FOXD3: variants seen among roughly 807,000 people sequenced by gnomAD.
FOXD3 encodes forkhead box D3.
A neutral mutation model predicts 3.6 loss-of-function variants in FOXD3; 3 were observed. That is an observed-to-expected ratio of 0.84 (90% CI 0.38 to 2.18). The LOEUF is 2.18. Among genes scored for constraint, FOXD3 ranks in the 30% most tolerant of loss-of-function variants. FOXD3 has a pLI of 0.06. For missense variants in FOXD3, 686 were observed against 731.6 expected (o/e 0.94, Z 0.72); for synonymous variants, 391 against 360.9 (o/e 1.08, Z -0.94).
Position 63,324,448 on chromosome 1 carries a change from G to T in FOXD3, c.1390G>T (p.Ala464Ser). 2 of 1,540,238 alleles carry T rather than the reference G, an allele frequency of 1.3e-6. No homozygotes were observed. Among genetic ancestry groups the T allele is most frequent in the African/African-American group, 1.4e-5 (1 of 73,014 alleles). ...GQFLQPAASA[A>S]AAAAAAAQAK... ...GTTTCTGCAGCCCGCAGCCTCGGCC[G>T]CCGCCGCTGCTGCGGCCGCCGCTCA... Residue 464 changes from alanine (A) to serine (S), a missense_variant, in exon 1 of 1, where the codon GCC becomes TCC. This residue lies in a region of FOXD3 where 370 missense variants were observed against 372.3 expected (regional missense o/e 0.99). Coordinates refer to ENST00000371116, the MANE Select transcript of FOXD3 (RefSeq NM_012183.3). This position sits in a 1 kb window ranked among gnomAD's most constrained non-coding sequence, Gnocchi z 4.1.
chr1:63,324,907 T>G lies in FOXD3; in HGVS notation c.*412T>G, dbSNP rs1647064595. ...AAAACAAATTCCGTAGATTTAGAGC[T>G]CTGAACTTTCATTTTTTTTGAAGGT... On this transcript the variant is annotated 3_prime_UTR_variant, in exon 1 of 1. Coordinates refer to ENST00000371116, the MANE Select transcript of FOXD3 (RefSeq NM_012183.3). The surrounding 1 kb of genome is among the most constrained non-coding windows in gnomAD (Gnocchi z 4.1). 1 of 182,074 alleles carries G rather than the reference T, an allele frequency of 5.5e-6. No individual in the cohort carries two copies. The highest frequency in any genetic ancestry group is 1.3e-5 in the Non-Finnish European group (1 of 78,336). 11.3% of individuals were successfully genotyped at this position (182,074 alleles called of 1,614,324 possible). A position where few individuals can be genotyped will look rare whatever the true frequency, so the allele number is the denominator to read the frequency against.
chr1:63,323,200 G>C lies in FOXD3; in HGVS notation c.142G>C (p.Ala48Pro). Residue 48 changes from alanine (A) to proline (P), a missense_variant, in exon 1 of 1, where the codon GCG becomes CCG. Physicochemically the swap from Ala to Pro is conservative, Grantham distance 27. Around this residue, in one of 3 missense-constraint regions of FOXD3, gnomAD observed 232 missense variants for 214.0 expected, o/e 1.08. Coordinates refer to ENST00000371116, the MANE Select transcript of FOXD3 (RefSeq NM_012183.3). This position sits in a 1 kb window ranked among gnomAD's most constrained non-coding sequence, Gnocchi z 6.8. The stretch of plus-strand genomic sequence containing the variant: ...CAGCGACGCAGGTTGCGATAGCCCC[G>C]CGGGGCCGCCGGAGCTGCGCCTGGA... Reference protein sequence around the residue: ...KDSDAGCDSPAGPPELRLDEA... With the variant: ...KDSDAGCDSPPGPPELRLDEA... 3 of 1,543,528 alleles carry C rather than the reference G, an allele frequency of 1.9e-6. No homozygotes were observed. In the South Asian group the frequency reaches 3.6e-5, roughly 18 times the overall value.
In FOXD3 at chr1:63,323,855, G is replaced by A. The variant is rs753420481; in HGVS notation, c.797G>A (p.Gly266Asp). 4.6e-6 allele frequency: 7 copies of A among 1,526,870 alleles called. No homozygotes were observed. The highest frequency in any genetic ancestry group is 1.4e-5 in the African/African-American group (1 of 71,288). 94.6% of individuals were successfully genotyped at this position (1,526,870 alleles called of 1,614,324 possible). ...GCTTACAGCCTGGCGGCGGCGGCCG[G>A]CGCCGCGGGACCCTACGGCCGCCCC... is the stretch of plus-strand genomic sequence containing the variant. Reference protein sequence around the residue: ...FGAYSLAAAAGAAGPYGRPYG... With the variant: ...FGAYSLAAAADAAGPYGRPYG... Residue 266 changes from glycine to aspartate, a missense_variant, in exon 1 of 1, where the codon GGC becomes GAC. By Grantham distance (94) the Gly-to-Asp change is moderately conservative. Coordinates refer to ENST00000371116, the MANE Select transcript of FOXD3 (RefSeq NM_012183.3). This position sits in a 1 kb window ranked among gnomAD's most constrained non-coding sequence, Gnocchi z 6.8.
rs775959596 is a variant in FOXD3 at position 63,323,502 on chromosome 1, G to A, written c.444G>A (p.Ala148=). Residue 148 remains alanine, a synonymous_variant, in exon 1 of 1, where the codon GCG becomes GCA. Coordinates refer to ENST00000371116, the MANE Select transcript of FOXD3 (RefSeq NM_012183.3). This position sits in a 1 kb window ranked among gnomAD's most constrained non-coding sequence, Gnocchi z 6.8. ...TGAAGCCGCCTTACTCGTACATCGC[G>A]CTCATCACCATGGCCATCCTGCAGA... ...SLVKPPYSYI[A]LITMAILQSP... The A allele has an allele frequency of 4.3e-6, 7 of 1,613,894 alleles. No homozygotes were observed. In the South Asian group the frequency reaches 7.7e-5, roughly 18 times the overall value.
Position 63,324,060 on chromosome 1 carries a change from C to T in FOXD3, c.1002C>T (p.Gly334=), listed in dbSNP as rs1174820010. ...TGGGCCGCAAAGCGGCCGCCTTCGG[C>T]TCACAGCTCGGCCCGGGCCTGCAGC... is the stretch of plus-strand genomic sequence containing the variant. ...GELGRKAAAF[G]SQLGPGLQLQ... The change falls in exon 1 of 1, where the codon GGC becomes GGT. Residue 334 remains glycine (G), a synonymous_variant. Coordinates refer to ENST00000371116, the MANE Select transcript of FOXD3 (RefSeq NM_012183.3). The surrounding 1 kb of genome is among the most constrained non-coding windows in gnomAD (Gnocchi z 4.1). 6.1e-5 allele frequency: 86 copies of T among 1,401,398 alleles called. No individual in the cohort carries two copies. Among genetic ancestry groups the T allele is most frequent in the Non-Finnish European group, 7.5e-5 (81 of 1,086,524 alleles). 86.8% of individuals were successfully genotyped at this position (1,401,398 alleles called of 1,614,324 possible). A position where few individuals can be genotyped will look rare whatever the true frequency, so the allele number is the denominator to read the frequency against.
At position 63,323,985 on chromosome 1, in the gene FOXD3, G is replaced by C. The variant is rs1335124745; in HGVS notation, c.927G>C (p.Pro309=). Residue 309 remains proline (P), a synonymous_variant, in exon 1 of 1, where the codon CCG becomes CCC. Coordinates refer to ENST00000371116, the MANE Select transcript of FOXD3 (RefSeq NM_012183.3). This position sits in a 1 kb window ranked among gnomAD's most constrained non-coding sequence, Gnocchi z 6.8. ...TCCAGTACCCGTACGCGCTGCCGCCGGTGGCACCGGTGCTGCCTCCCGCTG... is the reference window on the plus strand; with the variant it reads ...TCCAGTACCCGTACGCGCTGCCGCCCGTGGCACCGGTGCTGCCTCCCGCTG... ...AALQYPYALP[P]VAPVLPPAVP... The C allele has an allele frequency of 7.8e-7, 1 of 1,278,388 alleles. No homozygotes were observed. Among genetic ancestry groups the C allele is most frequent in the South Asian group, 2.7e-5 (1 of 37,152 alleles). The allele number at this position is 1,278,388 out of a possible 1,614,324, so 79.2% of individuals were successfully genotyped here. A position where few individuals can be genotyped will look rare whatever the true frequency, so the allele number is the denominator to read the frequency against.
At position 63,324,120 on chromosome 1, in the gene FOXD3, TGCGGGCACAGCGGGCGCC is replaced by T. The variant is rs1647054307; in HGVS notation, c.1071_1088del (p.Ala358_Thr363del). On this transcript the variant is annotated inframe_deletion, in exon 1 of 1. Transcript: ENST00000371116. The surrounding 1 kb of genome is among the most constrained non-coding windows in gnomAD (Gnocchi z 4.1). ...ATAGCCTGGGCGCCGCCGCGGCCGC[TGCGGGCACAGCGGGCGCC>T]GCGGGCACCACCGCGTCGCTCATCA... is the stretch of plus-strand genomic sequence containing the variant. 4.9e-6 allele frequency: 7 copies of T among 1,430,800 alleles called. No homozygotes were observed. Among genetic ancestry groups the T allele is most frequent in the Non-Finnish European group, 6.3e-6 (7 of 1,105,524 alleles). The allele number at this position is 1,430,800 out of a possible 1,614,324, so 88.6% of individuals were successfully genotyped here. A position where few individuals can be genotyped will look rare whatever the true frequency, so the allele number is the denominator to read the frequency against.
In FOXD3 at chr1:63,324,439, G is replaced by T. The variant is rs754348214; in HGVS notation, c.1381G>T (p.Ala461Ser). Reference sequence around the variant, plus strand: ...CTCCGGACAGTTTCTGCAGCCCGCAGCCTCGGCCGCCGCCGCTGCTGCGGC... The same window carrying T: ...CTCCGGACAGTTTCTGCAGCCCGCATCCTCGGCCGCCGCCGCTGCTGCGGC... ...PLSGQFLQPA[A>S]SAAAAAAAAA... is the part of the protein sequence containing the mutation. Residue 461 changes from alanine to serine, a missense_variant, in exon 1 of 1, where the codon GCC (alanine) becomes TCC (serine). Coordinates refer to ENST00000371116, the MANE Select transcript of FOXD3 (RefSeq NM_012183.3). This position sits in a 1 kb window ranked among gnomAD's most constrained non-coding sequence, Gnocchi z 4.1. 3 of 1,546,126 alleles carry T rather than the reference G, an allele frequency of 1.9e-6. No homozygotes were observed. The highest frequency in any genetic ancestry group is 2.6e-6 in the Non-Finnish European group (3 of 1,154,014).
Position 63,323,476 on chromosome 1 carries a change from G to C in FOXD3, c.418G>C (p.Val140Leu). 1 of 1,613,678 alleles carries C rather than the reference G, an allele frequency of 6.2e-7. No homozygotes were observed. Among genetic ancestry groups the C allele is most frequent in the East Asian group, 2.2e-5 (1 of 44,822 alleles). Reference protein sequence around the residue: ...LAPSKPKNSLVKPPYSYIALI... With the variant: ...LAPSKPKNSLLKPPYSYIALI... ...CCCGAGCAAGCCCAAGAACAGCCTA[G>C]TGAAGCCGCCTTACTCGTACATCGC... The change falls in exon 1 of 1, where the codon GTG becomes CTG. Residue 140 changes from valine to leucine, a missense_variant. Val to Leu is a conservative substitution (Grantham distance 32). Transcript: ENST00000371116. The surrounding 1 kb of genome is among the most constrained non-coding windows in gnomAD (Gnocchi z 6.8).
In FOXD3 at chr1:63,324,384, C is replaced by A. The variant is rs781150018; in HGVS notation, c.1326C>A (p.Ala442=). ...HQPLSLSRTT[A]TIAPILSVPL... ...CGCTGTCGCTGAGCCGGACGACTGC[C>A]ACCATCGCGCCCATTCTTAGCGTGC... The change falls in exon 1 of 1, where the codon GCC becomes GCA. Residue 442 remains alanine, a synonymous_variant. Transcript: ENST00000371116. The surrounding 1 kb of genome is among the most constrained non-coding windows in gnomAD (Gnocchi z 4.1). 1.6e-5 allele frequency: 26 copies of A among 1,588,470 alleles called. No homozygotes were observed. The highest frequency in any genetic ancestry group is 2.2e-5 in the Non-Finnish European group (26 of 1,175,986).
rs964811583 is a variant in FOXD3, at chr1:63,324,138, C to G, written c.1080C>G (p.Ala360=). The G allele has an allele frequency of 2.5e-5, 36 of 1,433,216 alleles. No individual in the cohort carries two copies. The highest frequency in any genetic ancestry group is 3.7e-5 in the Admixed American group (1 of 27,288). 88.8% of individuals were successfully genotyped at this position (1,433,216 alleles called of 1,614,324 possible). ...CGGCCGCTGCGGGCACAGCGGGCGC[C>G]GCGGGCACCACCGCGTCGCTCATCA... ...AAAAAAGTAG[A]AGTTASLIKS... The change falls in exon 1 of 1, where the codon GCC becomes GCG. Residue 360 remains alanine, a synonymous_variant. Transcript: ENST00000371116. The surrounding 1 kb of genome is among the most constrained non-coding windows in gnomAD (Gnocchi z 4.1).
Position 63,323,792 on chromosome 1 carries a change from T to G in FOXD3, c.734T>G (p.Leu245Arg), listed in dbSNP as rs772524720. The part of the protein sequence containing the change: ...KRFKRHQQEH[L>R]REQTALMMQS... ...TTCAAGCGCCACCAGCAGGAGCACCTGCGCGAGCAGACGGCGCTCATGATG... is the reference window on the plus strand; with the variant it reads ...TTCAAGCGCCACCAGCAGGAGCACCGGCGCGAGCAGACGGCGCTCATGATG... The change falls in exon 1 of 1, where the codon CTG becomes CGG. Residue 245 changes from leucine (L) to arginine (R), a missense_variant. Physicochemically the swap from Leu to Arg is moderately radical, Grantham distance 102. Transcript: ENST00000371116. The surrounding 1 kb of genome is among the most constrained non-coding windows in gnomAD (Gnocchi z 6.8). 1.3e-6 allele frequency: 2 copies of G among 1,523,318 alleles called. No individual in the cohort carries two copies. Among genetic ancestry groups the G allele is most frequent in the Non-Finnish European group, 1.8e-6 (2 of 1,125,738 alleles). 94.4% of individuals were successfully genotyped at this position (1,523,318 alleles called of 1,614,324 possible). A position where few individuals can be genotyped will look rare whatever the true frequency, so the allele number is the denominator to read the frequency against.
Position 63,323,922 on chromosome 1 carries a change from C to G in FOXD3, c.864C>G (p.His288Gln). The G allele has an allele frequency of 1.6e-6, 2 of 1,271,784 alleles. No individual in the cohort carries two copies. The highest frequency in any genetic ancestry group is 2.0e-6 in the Non-Finnish European group (2 of 1,014,478). The allele number at this position is 1,271,784 out of a possible 1,614,324, so 78.8% of individuals were successfully genotyped here. The change falls in exon 1 of 1, where the codon CAC becomes CAG. Residue 288 changes from histidine (H) to glutamine (Q), a missense_variant. Coordinates refer to ENST00000371116, the MANE Select transcript of FOXD3 (RefSeq NM_012183.3). This position sits in a 1 kb window ranked among gnomAD's most constrained non-coding sequence, Gnocchi z 6.8. The part of the protein sequence containing the change: ...HPAAAAGAYS[H>Q]PAAAAAAAAA... ...CGGCGGCGGCCGGTGCCTATTCGCACCCGGCAGCGGCGGCGGCCGCGGCTG... is the reference window on the plus strand; with the variant it reads ...CGGCGGCGGCCGGTGCCTATTCGCAGCCGGCAGCGGCGGCGGCCGCGGCTG...
In FOXD3 at chr1:63,324,409, C is replaced by T. The variant is rs761460733; in HGVS notation, c.1351C>T (p.Pro451Ser). The T allele has an allele frequency of 1.4e-4, 222 of 1,582,170 alleles. 1 individual carries two copies. The highest frequency in any genetic ancestry group is 1.8e-4 in the Non-Finnish European group (208 of 1,173,190). ...TATIAPILSV[P>S]LSGQFLQPAA... Reference sequence around the variant, plus strand: ...CACCATCGCGCCCATTCTTAGCGTGCCACTCTCCGGACAGTTTCTGCAGCC... The same window carrying T: ...CACCATCGCGCCCATTCTTAGCGTGTCACTCTCCGGACAGTTTCTGCAGCC... The change falls in exon 1 of 1, where the codon CCA (proline) becomes TCA (serine). Residue 451 changes from proline (P) to serine (S), a missense_variant. Around this residue, in one of 3 missense-constraint regions of FOXD3, gnomAD observed 370 missense variants for 372.3 expected, o/e 0.99. Transcript: ENST00000371116. This position sits in a 1 kb window ranked among gnomAD's most constrained non-coding sequence, Gnocchi z 4.1.
At position 63,324,599 on chromosome 1, in the gene FOXD3, C is replaced by T; in HGVS notation, c.*104C>T. 1.2e-6 allele frequency: 1 copy of T among 859,206 alleles called. No homozygotes were observed. Among genetic ancestry groups the T allele is most frequent in the Non-Finnish European group, 1.8e-6 (1 of 545,274 alleles). The allele number at this position is 859,206 out of a possible 1,614,324, so 53.2% of individuals were successfully genotyped here. A position where few individuals can be genotyped will look rare whatever the true frequency, so the allele number is the denominator to read the frequency against. On this transcript the variant is annotated 3_prime_UTR_variant, in exon 1 of 1. Coordinates refer to ENST00000371116, the MANE Select transcript of FOXD3 (RefSeq NM_012183.3). The surrounding 1 kb of genome is among the most constrained non-coding windows in gnomAD (Gnocchi z 4.1). ...CCAAGCCCGGTCCCGGTCCCGCTGCCCAATCCTGGACTCTGCCTCTCCCCA... is the reference window on the plus strand; with the variant it reads ...CCAAGCCCGGTCCCGGTCCCGCTGCTCAATCCTGGACTCTGCCTCTCCCCA...
chr1:63,324,583 G>A lies in FOXD3; in HGVS notation c.*88G>A. ...GGCTGCGCGCCCTGTCCCAAGCCCGGTCCCGGTCCCGCTGCCCAATCCTGG... is the reference window on the plus strand; with the variant it reads ...GGCTGCGCGCCCTGTCCCAAGCCCGATCCCGGTCCCGCTGCCCAATCCTGG... On this transcript the variant is annotated 3_prime_UTR_variant, in exon 1 of 1. Transcript: ENST00000371116. The surrounding 1 kb of genome is among the most constrained non-coding windows in gnomAD (Gnocchi z 4.1). 2.0e-6 allele frequency: 2 copies of A among 987,000 alleles called. No individual in the cohort carries two copies. The highest frequency in any genetic ancestry group is 3.0e-6 in the Non-Finnish European group (2 of 659,400). The allele number at this position is 987,000 out of a possible 1,614,324, so 61.1% of individuals were successfully genotyped here.
In FOXD3 at chr1:63,324,804, G is replaced by A; in HGVS notation, c.*309G>A. ...ACGGCGCCTGCTCTTAGTACCGTGG[G>A]GATGGGAGGGAAATTCTTTGTATAT... On this transcript the variant is annotated 3_prime_UTR_variant, in exon 1 of 1. Transcript: ENST00000371116. This position sits in a 1 kb window ranked among gnomAD's most constrained non-coding sequence, Gnocchi z 4.1. 1 of 406,770 alleles carries A rather than the reference G, an allele frequency of 2.5e-6. No homozygotes were observed. Among genetic ancestry groups the A allele is most frequent in the Non-Finnish European group, 4.5e-6 (1 of 221,576 alleles). The allele number at this position is 406,770 out of a possible 1,614,324, so 25.2% of individuals were successfully genotyped here.
At position 63,322,945 on chromosome 1, in the gene FOXD3, C is replaced by A. The variant is rs1417647241; in HGVS notation, c.-114C>A. 1 of 1,402,256 alleles carries A rather than the reference C, an allele frequency of 7.1e-7. No individual in the cohort carries two copies. Among genetic ancestry groups the A allele is most frequent in the Non-Finnish European group, 9.2e-7 (1 of 1,082,652 alleles). The allele number at this position is 1,402,256 out of a possible 1,614,324, so 86.9% of individuals were successfully genotyped here. On this transcript the variant is annotated 5_prime_UTR_variant, in exon 1 of 1. Transcript: ENST00000371116. ...CCTGCGGCCCCCTCCCCTCTCCCTG[C>A]CCCCCATCTTTCGGGGGCACTCAAA... is the stretch of plus-strand genomic sequence containing the variant.
In FOXD3 at chr1:63,323,149, G is replaced by A. The variant is rs924139494; in HGVS notation, c.91G>A (p.Gly31Ser). ...CGTGGACATCGATGTGGTGGGCGAG[G>A]GCGACGACGGGCTGGAAGAGAAGGA... ...EDVDIDVVGE[G>S]DDGLEEKDSD... The change falls in exon 1 of 1, where the codon GGC becomes AGC. Residue 31 changes from glycine to serine, a missense_variant. By Grantham distance (56) the Gly-to-Ser change is moderately conservative (BLOSUM62 0). This residue lies in a region of FOXD3 where 232 missense variants were observed against 214.0 expected (regional missense o/e 1.08). Coordinates refer to ENST00000371116, the MANE Select transcript of FOXD3 (RefSeq NM_012183.3). The surrounding 1 kb of genome is among the most constrained non-coding windows in gnomAD (Gnocchi z 6.8). 6.4e-7 allele frequency: 1 copy of A among 1,569,494 alleles called. No homozygotes were observed. The highest frequency in any genetic ancestry group is 1.8e-5 in the Admixed American group (1 of 54,452).
Sources: gnomAD v4.1 joint callset for allele counts on GRCh38, gnomAD v4.1.1 for gene constraint, gnomAD v4.1.1 regional missense constraint, Gnocchi (gnomAD v3.1) non-coding constraint, MANE v1.5 for transcripts, NCBI Gene and HGNC (gene_info 2026-07-23, HGNC 2026-07-21) for gene names.